Variants in INSYN1 observed in about 807,000 individuals in gnomAD.
The protein encoded by INSYN1 is inhibitory synaptic factor 1, also known as UPF0583 protein C15orf59.
A neutral mutation model predicts 17.1 loss-of-function variants in INSYN1; 7 were observed. That is an observed-to-expected ratio of 0.41 (90% CI 0.23 to 0.77). The LOEUF (loss-of-function observed/expected upper bound fraction) is 0.77. Ranked by LOEUF, INSYN1 falls within the 30% of genes least tolerant of loss-of-function variation. The probability of loss-of-function intolerance (pLI) is 0.32; values close to 1 mark genes in which losing one functional copy is unlikely to be tolerated. For synonymous variants in INSYN1, 174 were observed against 166.3 expected (o/e 1.05, Z -0.36); for missense variants, 339 against 400.6 (o/e 0.85, Z 1.31).
rs753395048 is a variant in INSYN1 at position 73,751,169 on chromosome 15, C to G, written c.-39G>C. 10 of 1,609,186 alleles carry G rather than the reference C, an allele frequency of 6.2e-6. No individual in the cohort carries two copies. Among genetic ancestry groups the G allele is most frequent in the Admixed American group, 3.3e-5 (2 of 59,816 alleles). On this transcript the variant is annotated 5_prime_UTR_variant, in exon 2 of 3. Coordinates refer to ENST00000569673, the MANE Select transcript of INSYN1 (RefSeq NM_001039614.3). ...GCCGCAGGCCTGCCCATACTCCCCC[C>G]AGCTGGGCACACACTGCGTCTGCCT... is the stretch of plus-strand genomic sequence containing the variant.
chr15:73,743,728 G>C (rs1406685632), intron 2 of INSYN1, among the ~76,000 whole-genome samples: 1 of 149,132 alleles, frequency 6.7e-6, no homozygotes, highest in African/African-American at 2.5e-5. Context: ...TACTCGGGAG[G>C]CTGAGGCAGA....
rs1315444576 is a variant in INSYN1, at chr15:73,736,239, T to C, written c.*3678A>G. 2 of 152,280 alleles carry C rather than the reference T, an allele frequency of 1.3e-5. No homozygotes were observed. The highest frequency in any genetic ancestry group is 2.9e-5 in the Non-Finnish European group (2 of 68,092). The allele number at this position is 152,280 out of a possible 1,614,324, so 9.4% of individuals were successfully genotyped here. A position where few individuals can be genotyped will look rare whatever the true frequency, so the allele number is the denominator to read the frequency against. ...CAGCCCATGCCATGACTCAGCAGTG[T>C]TGAAAGTCAGAATTCTCTCTATCCC... On this transcript the variant is annotated 3_prime_UTR_variant, in exon 3 of 3. Coordinates refer to ENST00000569673, the MANE Select transcript of INSYN1 (RefSeq NM_001039614.3).
intron 2 of INSYN1, 119 bp from the exon 3 acceptor site, chr15:73,740,761 G>C: frequency 1.2e-6 from 1 of 847,660 alleles, no homozygotes; most frequent in South Asian, 1.6e-5. Flanking sequence ...ACTGGACAGG[G>C]GAGAGCCTGT....
chr15:73,742,224 G>A (rs1281034853), intron 2 of INSYN1, among the ~76,000 whole-genome samples: 1 of 152,220 alleles, frequency 6.6e-6, no homozygotes, highest in South Asian at 2.1e-4. Flanking sequence ...AAGAGCTGGA[G>A]GAATCAGGAC....
rs1369997984 is a variant in INSYN1, at chr15:73,737,020, TC to T, written c.*2896del. On this transcript the variant is annotated 3_prime_UTR_variant, in exon 3 of 3. Transcript: ENST00000569673. ...AGCCAAGTACTACCTATATCCCACT[TC>T]CCCCTCCTCCAGGATATACTCCCAC... 5 of 152,186 alleles carry T rather than the reference TC, an allele frequency of 3.3e-5. No homozygotes were observed. The highest frequency in any genetic ancestry group is 9.6e-5 in the African/African-American group (4 of 41,468). 9.4% of individuals were successfully genotyped at this position (152,186 alleles called of 1,614,324 possible). A position where few individuals can be genotyped will look rare whatever the true frequency, so the allele number is the denominator to read the frequency against.
At chr15:73,749,788 C>G (rs1234763140) in intron 2 of INSYN1, among the ~76,000 whole-genome samples, 5 of 152,222 alleles carry the variant, frequency 3.3e-5, no homozygotes, top group Non-Finnish European at 5.9e-5. Flanking sequence ...ATGGGATTTC[C>G]TGGTAGGCTC....
At chr15:73,749,561 TG>T (rs559291951) in intron 2 of INSYN1, among the ~76,000 whole-genome samples, 235 of 152,326 alleles carry the variant, frequency 1.5e-3, no homozygotes, top group Non-Finnish European at 2.5e-3. Flanking sequence ...ACAGTTCCCA[TG>T]GCCCTGATCT....
chr15:73,735,592 A>C lies in INSYN1; in HGVS notation c.*4325T>G. On this transcript the variant is annotated 3_prime_UTR_variant, in exon 3 of 3. Coordinates refer to ENST00000569673, the MANE Select transcript of INSYN1 (RefSeq NM_001039614.3). ...TGTTCACATGTTTCCTCACCCCAAC[A>C]CTCCCCTCACCCCGAAGACCCGCCT... 1 of 151,198 alleles carries C rather than the reference A, an allele frequency of 6.6e-6. No individual in the cohort carries two copies. Among genetic ancestry groups the C allele is most frequent in the East Asian group, 1.9e-4 (1 of 5,132 alleles). The allele number at this position is 151,198 out of a possible 1,614,324, so 9.4% of individuals were successfully genotyped here. A position where few individuals can be genotyped will look rare whatever the true frequency, so the allele number is the denominator to read the frequency against.
chr15:73,739,921 T>C lies in INSYN1; in HGVS notation c.878A>G (p.Asn293Ser), dbSNP rs779912656. ...CCCCGGCCCCCTCCCCGGCCCCTAG[T>C]TTTTCCCCCTGGCTTTCTGTCTAGT... ...TATRQKARGK[N>S] is the part of the protein sequence containing the mutation. Residue 293 changes from asparagine to serine, a missense_variant, in exon 3 of 3, where the codon AAC becomes AGC. Asn to Ser is a conservative substitution (Grantham distance 46). Coordinates refer to ENST00000569673, the MANE Select transcript of INSYN1 (RefSeq NM_001039614.3). 16 of 1,533,244 alleles carry C rather than the reference T, an allele frequency of 1.0e-5. No homozygotes were observed. Among genetic ancestry groups the C allele is most frequent in the Non-Finnish European group, 1.2e-5 (14 of 1,123,192 alleles). The allele number at this position is 1,533,244 out of a possible 1,614,324, so 95.0% of individuals were successfully genotyped here.
chr15:73,743,778 C>T (rs527693958), intron 2 of INSYN1, among the ~76,000 whole-genome samples: 148 of 129,112 alleles, frequency 1.1e-3, no homozygotes, highest in Middle Eastern at 4.3e-3. Flanking sequence ...TGCAGTGAGC[C>T]GAGATCGCGC....
rs1480935219 is a variant in INSYN1, at chr15:73,739,880, T to C, written c.*37A>G. The stretch of plus-strand genomic sequence containing the variant: ...ATATATATATATATTTATTTATAGC[T>C]CTATGTGCCCACCGCCCCCGGCCCC... On this transcript the variant is annotated 3_prime_UTR_variant, in exon 3 of 3. Coordinates refer to ENST00000569673, the MANE Select transcript of INSYN1 (RefSeq NM_001039614.3). 2.8e-6 allele frequency: 2 copies of C among 722,018 alleles called. No individual in the cohort carries two copies. The highest frequency in any genetic ancestry group is 2.7e-5 in the East Asian group (1 of 37,612). 44.7% of individuals were successfully genotyped at this position (722,018 alleles called of 1,614,324 possible).
At position 73,740,492 on chromosome 15, in the gene INSYN1, C is replaced by T; in HGVS notation, c.307G>A (p.Ala103Thr). Reference sequence around the variant, plus strand: ...TCCCAGCTGTCTGAGAGGATATCGGCTGTCATGAAGTCCAGGTGGCCCAGG... The same window carrying T: ...TCCCAGCTGTCTGAGAGGATATCGGTTGTCATGAAGTCCAGGTGGCCCAGG... The part of the protein sequence containing the change: ...FDLGHLDFMT[A>T]DILSDSWEFC... The change falls in exon 3 of 3, where the codon GCC (alanine) becomes ACC (threonine). Residue 103 changes from alanine to threonine, a missense_variant. Physicochemically the swap from Ala to Thr is moderately conservative, Grantham distance 58. Transcript: ENST00000569673. The T allele has an allele frequency of 6.2e-7, 1 of 1,614,018 alleles. No homozygotes were observed.
rs913074387 is a variant in INSYN1, at chr15:73,746,677, G to C, written c.156+4298C>G. On this transcript the variant is annotated intron_variant, in intron 2 of 2. Coordinates refer to ENST00000569673, the MANE Select transcript of INSYN1 (RefSeq NM_001039614.3). The stretch of plus-strand genomic sequence containing the variant: ...CTTCCTGAGGTGTTTGGGCCAAAGT[G>C]AGCAACTGTGCCCTTAAGTTATATC... Among the ~76,000 whole-genome samples the C allele has an allele frequency of 2.6e-5, 4 of 152,184 alleles. No individual in the cohort carries two copies. The East Asian group carries it at 5.8e-4, about 22-fold the overall frequency.
At chr15:73,750,676 G>A (rs1030844969) in intron 2 of INSYN1, among the ~76,000 whole-genome samples, 1 of 152,164 alleles carries the variant, frequency 6.6e-6, no homozygotes, top group African/African-American at 2.4e-5. Context: ...AAGCTGTGGC[G>A]GGATTCAGTC....
chr15:73,744,862 G>T (rs1018777355), intron 2 of INSYN1, among the ~76,000 whole-genome samples: 1 of 152,150 alleles, frequency 6.6e-6, no homozygotes, highest in Non-Finnish European at 1.5e-5. Context: ...GCCGAGGGGG[G>T]CAATGAGGCT....
At position 73,751,005 on chromosome 15, in the gene INSYN1, C is replaced by T. The variant is rs550483980; in HGVS notation, c.126G>A (p.Glu42=). 3.7e-6 allele frequency: 6 copies of T among 1,614,136 alleles called. No homozygotes were observed. The highest frequency in any genetic ancestry group is 4.5e-5 in the East Asian group (2 of 44,868). ...VIGQLEGILR[E]LKEVAKELRE... is the part of the protein sequence containing the mutation. Reference sequence around the variant, plus strand: ...TCAGCTCCTTGGCCACCTCCTTGAGCTCGCGAAGGATGCCCTCAAGCTGCC... The same window carrying T: ...TCAGCTCCTTGGCCACCTCCTTGAGTTCGCGAAGGATGCCCTCAAGCTGCC... Residue 42 remains glutamate, a synonymous_variant, in exon 2 of 3, where the codon GAG becomes GAA. Transcript: ENST00000569673.
At chr15:73,751,906 C>G (rs1352658952) in intron 1 of INSYN1, among the ~76,000 whole-genome samples, 1 of 152,070 alleles carries the variant, frequency 6.6e-6, no homozygotes, top group African/African-American at 2.4e-5. Context: ...AGCAGAAGTC[C>G]TCAGCCTGCT....
Position 73,738,525 on chromosome 15 carries a change from A to C in INSYN1, c.*1392T>G, listed in dbSNP as rs1901591972. 6.6e-6 allele frequency: 1 copy of C among 152,230 alleles called. No individual in the cohort carries two copies. Among genetic ancestry groups the C allele is most frequent in the African/African-American group, 2.4e-5 (1 of 41,440 alleles). The allele number at this position is 152,230 out of a possible 1,614,324, so 9.4% of individuals were successfully genotyped here. ...TGGTGAAACCCCGTCTCTACTAAAAATACAAAAATTAGCTAGGCGTGGTGA... is the reference window on the plus strand; with the variant it reads ...TGGTGAAACCCCGTCTCTACTAAAACTACAAAAATTAGCTAGGCGTGGTGA... On this transcript the variant is annotated 3_prime_UTR_variant, in exon 3 of 3. Coordinates refer to ENST00000569673, the MANE Select transcript of INSYN1 (RefSeq NM_001039614.3).
rs1901973850 is a variant in INSYN1 at position 73,751,199 on chromosome 15, G to T, written c.-69C>A. 4 of 1,570,792 alleles carry T rather than the reference G, an allele frequency of 2.5e-6. No individual in the cohort carries two copies. Among genetic ancestry groups the T allele is most frequent in the African/African-American group, 2.7e-5 (2 of 74,026 alleles). The stretch of plus-strand genomic sequence containing the variant: ...GGGCACACACTGCGTCTGCCTCCAC[G>T]GAGCCCCCCTCGGCTGGGCAGAGCT... On this transcript the variant is annotated 5_prime_UTR_variant, in exon 2 of 3. Coordinates refer to ENST00000569673, the MANE Select transcript of INSYN1 (RefSeq NM_001039614.3).
Sources: gnomAD v4.1 joint callset for allele counts (sites outside exome capture counted in the v4.1 genomes callset) on GRCh38, gnomAD v4.1.1 for gene constraint, MANE v1.5 for transcripts, NCBI Gene and HGNC (gene_info 2026-07-23, HGNC 2026-07-21) for gene names.